SUGCT: variants seen among roughly 807,000 people sequenced by gnomAD.
The protein encoded by SUGCT is succinyl-CoA:glutarate CoA-transferase.
Under a neutral mutation model 55.0 loss-of-function variants are expected in SUGCT, and 41 were observed. That is an observed-to-expected ratio of 0.74 (90% CI 0.58 to 0.97). SUGCT has a LOEUF of 0.97. Ranked by LOEUF, SUGCT falls within the 50% of genes least tolerant of loss-of-function variation. The pLI is 0.00. For missense variants in SUGCT, 568 were observed against 547.8 expected, an observed-to-expected ratio of 1.04 and a Z score of -0.37; for synonymous variants, 187 against 200.4, an observed-to-expected ratio of 0.93 and a Z score of 0.56.
intron 13 of SUGCT, among the ~76,000 whole-genome samples, chr7:40,787,660 C>CAAAAA (rs55764379): frequency 3.9e-4 from 19 of 48,404 alleles, no homozygotes; most frequent in African/African-American, 4.2e-4. Context: ...AAATTTTGAC[C>CAAAAA]AAAAAAAAAA....
intron 12 of SUGCT, among the ~76,000 whole-genome samples, chr7:40,736,516 G>A (rs1175375518): frequency 6.6e-6 from 1 of 151,518 alleles, no homozygotes; most frequent in Non-Finnish European, 1.5e-5. Context: ...AAATAAAAAG[G>A]TATTTAGGTT....
the SUGCT span, among the ~76,000 whole-genome samples, chr7:41,004,373 A>C: frequency 6.6e-6 from 1 of 152,228 alleles, no homozygotes; most frequent in Non-Finnish European, 1.5e-5. Flanking sequence ...TCTTTTGGCA[A>C]AGTGAAGGCA....
intron 12 of SUGCT, among the ~76,000 whole-genome samples, chr7:40,736,695 C>T (rs994797132): frequency 6.6e-6 from 1 of 151,782 alleles, no homozygotes; most frequent in South Asian, 2.1e-4. Context: ...CATCAGTATA[C>T]CAACAGAAGG....
At chr7:40,838,630 G>A (rs1305481214) in intron 13 of SUGCT, among the ~76,000 whole-genome samples, 2 of 125,912 alleles carry the variant, frequency 1.6e-5, no homozygotes, top group Non-Finnish European at 3.4e-5. Flanking sequence ...TACATCTAGC[G>A]TTTTGTTTGT....
At chr7:40,634,565 A>C (rs538319622) in intron 12 of SUGCT, among the ~76,000 whole-genome samples, 53 of 152,310 alleles carry the variant, frequency 3.5e-4, no homozygotes, top group Non-Finnish European at 6.3e-4. Context: ...TTGTCAAACT[A>C]TCCACTACAG....
intron 12 of SUGCT, among the ~76,000 whole-genome samples, chr7:40,608,638 A>T (rs1400413219): frequency 6.6e-6 from 1 of 152,226 alleles, no homozygotes; most frequent in African/African-American, 2.4e-5. Flanking sequence ...AATGCAGCCT[A>T]GAAAATAGTG....
chr7:41,023,897 G>A, the SUGCT span, among the ~76,000 whole-genome samples: 34 of 152,072 alleles, frequency 2.2e-4, no homozygotes, highest in Non-Finnish European at 4.0e-4. Flanking sequence ...TTTTATAAAA[G>A]CCCATTTTTA....
intron 12 of SUGCT, among the ~76,000 whole-genome samples, chr7:40,592,681 C>T (rs1178824026): frequency 6.6e-6 from 1 of 152,084 alleles, no homozygotes; most frequent in African/African-American, 2.4e-5. Flanking sequence ...TGAGGAGGTG[C>T]TTACCCTGAG....
intron 13 of SUGCT, among the ~76,000 whole-genome samples, chr7:40,810,421 C>CA (rs1791349906): frequency 6.6e-6 from 1 of 152,150 alleles, no homozygotes; most frequent in African/African-American, 2.4e-5. Context: ...GCAGCCTCAC[C>CA]AGCATCTGTT....
chr7:40,805,427 C>T (rs1791040688), intron 13 of SUGCT, among the ~76,000 whole-genome samples: 1 of 152,182 alleles, frequency 6.6e-6, no homozygotes, highest in Non-Finnish European at 1.5e-5. Flanking sequence ...TGGCTGGCTA[C>T]ATGTAACATA....
intron 9 of SUGCT, among the ~76,000 whole-genome samples, chr7:40,431,514 T>C (rs1162800499): frequency 6.6e-6 from 1 of 152,232 alleles, no homozygotes; most frequent in African/African-American, 2.4e-5. Context: ...TTGAAATCTG[T>C]ATATTGCTTT....
At chr7:40,992,809 TGTG>T in the SUGCT span, among the ~76,000 whole-genome samples, 2 of 152,176 alleles carry the variant, frequency 1.3e-5, no homozygotes, top group African/African-American at 2.4e-5. Context: ...GTACCTGTAA[TGTG>T]GGTACAAGAA....
the SUGCT span, among the ~76,000 whole-genome samples, chr7:40,902,825 T>C: frequency 6.6e-6 from 1 of 152,118 alleles, no homozygotes; most frequent in Non-Finnish European, 1.5e-5. Flanking sequence ...TGGCCTCGTC[T>C]TTCTGAAAAG....
intron 7 of SUGCT, among the ~76,000 whole-genome samples, chr7:40,262,533 T>C (rs934486483): frequency 1.4e-4 from 21 of 147,100 alleles, no homozygotes; most frequent in African/African-American, 5.0e-4. Flanking sequence ...AGCGTGGTAG[T>C]GGGCCCTTGT....
At chr7:40,173,980 G>A (rs1784805020) in intron 1 of SUGCT, among the ~76,000 whole-genome samples, 1 of 149,182 alleles carries the variant, frequency 6.7e-6, no homozygotes, top group Non-Finnish European at 1.5e-5. Flanking sequence ...TTGCTCTGTT[G>A]CTCAGGCTAG....
At chr7:40,249,321 A>C (rs1159774855) in intron 7 of SUGCT, among the ~76,000 whole-genome samples, 24 of 109,410 alleles carry the variant, frequency 2.2e-4, no homozygotes, top group Middle Eastern at 4.4e-3. Flanking sequence ...AGCTATATAT[A>C]TATATATATA....
At chr7:40,842,325 A>AC (rs978058694) in intron 13 of SUGCT, among the ~76,000 whole-genome samples, 34 of 152,338 alleles carry the variant, frequency 2.2e-4, no homozygotes, top group African/African-American at 8.2e-4. Context: ...ATTTAAAAAA[A>AC]TAACAAAAAA....
chr7:40,172,368 A>G (rs1784718242), intron 1 of SUGCT, among the ~76,000 whole-genome samples: 1 of 152,112 alleles, frequency 6.6e-6, no homozygotes, highest in Non-Finnish European at 1.5e-5. Flanking sequence ...GTCAAGAGCT[A>G]TATATTGGGA....
intron 12 of SUGCT, among the ~76,000 whole-genome samples, chr7:40,732,598 C>T (rs1786951365): frequency 6.6e-6 from 1 of 152,122 alleles, no homozygotes; most frequent in Admixed American, 6.5e-5. Flanking sequence ...GTGGCAGTGT[C>T]AAGTGTCAGG....
Sources: allele counts gnomAD v4.1 joint callset (sites outside exome capture counted in the v4.1 genomes callset), GRCh38; gene constraint gnomAD v4.1.1; transcripts MANE v1.5; gene names NCBI Gene and HGNC (gene_info 2026-07-23, HGNC 2026-07-21).